The following NXPH1 variants were observed in gnomAD, a reference collection of about 807,000 sequenced individuals.
The protein encoded by NXPH1 is neurexophilin 1.
Under a neutral mutation model 23.7 loss-of-function variants are expected in NXPH1, and 5 were observed. The ratio of observed to expected loss-of-function variants is 0.21; its 90% CI spans 0.11 to 0.44. The LOEUF (loss-of-function observed/expected upper bound fraction) is 0.44, where lower values mean the gene tolerates loss of function less well. NXPH1 is among the 20% of genes least tolerant of loss of function. The probability of loss-of-function intolerance (pLI) is 0.99; values close to 1 mark genes in which losing one functional copy is unlikely to be tolerated. For synonymous variants in NXPH1, 144 were observed against 122.2 expected, an observed-to-expected ratio of 1.18 and a Z score of -1.18; for missense variants, 324 against 321.6, an observed-to-expected ratio of 1.01 and a Z score of -0.06.
At chr7:8,683,302 C>T (rs1408120630) in intron 2 of NXPH1, among the ~76,000 whole-genome samples, 1 of 152,232 alleles carries the variant, frequency 6.6e-6, no homozygotes, top group African/African-American at 2.4e-5. Context: ...TTAGGCCTCA[C>T]TTCCAACATT....
At chr7:8,505,132 G>A (rs527551259) in intron 2 of NXPH1, among the ~76,000 whole-genome samples, 31 of 152,034 alleles carry the variant, frequency 2.0e-4, no homozygotes, top group Non-Finnish European at 3.7e-4. Context: ...TGATTTTACA[G>A]TGCACTGAAG....
intron 2 of NXPH1, among the ~76,000 whole-genome samples, chr7:8,737,503 T>TCTTA (rs1231974057): frequency 6.6e-5 from 10 of 152,202 alleles, no homozygotes; most frequent in African/African-American, 1.4e-4. Flanking sequence ...AGAGATCCAC[T>TCTTA]CTTAGTCTGA....
chr7:8,683,041 T>G (rs1821082357), intron 2 of NXPH1, among the ~76,000 whole-genome samples: 2 of 152,116 alleles, frequency 1.3e-5, no homozygotes, highest in Admixed American at 6.6e-5. Context: ...GAAGAAGAGG[T>G]GTTTATTTGG....
chr7:8,647,626 C>G (rs971782070), intron 2 of NXPH1, among the ~76,000 whole-genome samples: 1 of 151,966 alleles, frequency 6.6e-6, no homozygotes, highest in African/African-American at 2.4e-5. Flanking sequence ...TAAGTATTCC[C>G]TATCTTTTAA....
At position 8,591,214 on chromosome 7, in the gene NXPH1, C is replaced by T. The variant is rs546865476; in HGVS notation, c.54+155447C>T. Among the ~76,000 whole-genome samples the T allele has an allele frequency of 8.5e-5, 13 of 152,154 alleles. No homozygotes were observed. The East Asian group carries it at 2.5e-3, about 29-fold the overall frequency. ...TCGTTCTTTCATGTGTTTTCTTCGACCCTCACAAGAATGATTTCAGGTAGG... is the reference window on the plus strand; with the variant it reads ...TCGTTCTTTCATGTGTTTTCTTCGATCCTCACAAGAATGATTTCAGGTAGG... On this transcript the variant is annotated intron_variant, in intron 2 of 2. Coordinates refer to ENST00000405863, the MANE Select transcript of NXPH1 (RefSeq NM_152745.3).
chr7:8,574,836 A>G (rs1342151958), intron 2 of NXPH1, among the ~76,000 whole-genome samples: 1 of 152,152 alleles, frequency 6.6e-6, no homozygotes, highest in East Asian at 1.9e-4. Context: ...ATCAAGTGTA[A>G]ATGAATCAGA....
intron 2 of NXPH1, among the ~76,000 whole-genome samples, chr7:8,658,824 A>G (rs1820622083): frequency 6.6e-6 from 1 of 152,184 alleles, no homozygotes; most frequent in Non-Finnish European, 1.5e-5. Flanking sequence ...TGTGCATACA[A>G]AGTCAGCGTG....
At chr7:8,716,956 G>A (rs1481188255) in intron 2 of NXPH1, among the ~76,000 whole-genome samples, 5 of 152,158 alleles carry the variant, frequency 3.3e-5, no homozygotes, top group Non-Finnish European at 5.9e-5. Context: ...ACAGCAGTGA[G>A]GCTCCAAGAC....
At chr7:8,722,161 C>T (rs762159136) in intron 2 of NXPH1, among the ~76,000 whole-genome samples, 3 of 152,032 alleles carry the variant, frequency 2.0e-5, no homozygotes, top group Non-Finnish European at 2.9e-5. Context: ...AAAAGACTTC[C>T]ATGGAATAAT....
intron 2 of NXPH1, among the ~76,000 whole-genome samples, chr7:8,541,540 T>C (rs1818116895): frequency 6.6e-6 from 1 of 151,620 alleles, no homozygotes; most frequent in East Asian, 1.9e-4. Context: ...TAAACAAATT[T>C]ATCAAAACCA....
At chr7:8,695,254 T>C (rs1179900673) in intron 2 of NXPH1, among the ~76,000 whole-genome samples, 1 of 152,168 alleles carries the variant, frequency 6.6e-6, no homozygotes, top group African/African-American at 2.4e-5. Flanking sequence ...TCTCATGTAA[T>C]CCTCCCCACC....
At chr7:8,639,888 T>C (rs1486049583) in intron 2 of NXPH1, among the ~76,000 whole-genome samples, 1 of 152,164 alleles carries the variant, frequency 6.6e-6, no homozygotes, top group Non-Finnish European at 1.5e-5. Flanking sequence ...CATGTGAAAC[T>C]GTAAGACCAA....
chr7:8,502,763 A>C (rs919498890), intron 2 of NXPH1, among the ~76,000 whole-genome samples: 1 of 151,468 alleles, frequency 6.6e-6, no homozygotes, highest in Non-Finnish European at 1.5e-5. Context: ...TAGATGGTAG[A>C]GGAGACATCA....
At chr7:8,675,488 C>T (rs755926955) in intron 2 of NXPH1, among the ~76,000 whole-genome samples, 2 of 151,990 alleles carry the variant, frequency 1.3e-5, no homozygotes, top group African/African-American at 2.4e-5. Flanking sequence ...GTTGATGATG[C>T]GTTTATTCAT....
At position 8,470,410 on chromosome 7, in the gene NXPH1, T is replaced by C. The variant is rs73675705; in HGVS notation, c.54+34643T>C. On this transcript the variant is annotated intron_variant, in intron 2 of 2. Transcript: ENST00000405863. ...CCTGAATTTTTTGAAATAATTTTCC[T>C]ACAAAGGGAAACATTTTGCTTTGTT... Among the ~76,000 whole-genome samples the C allele has an allele frequency of 2.5e-3, 381 of 152,314 alleles. 2 individuals are homozygous for C. Among genetic ancestry groups the C allele is most frequent in the Middle Eastern group, 0.014 (4 of 294 alleles).
chr7:8,523,420 A>G (rs1817808019), intron 2 of NXPH1, among the ~76,000 whole-genome samples: 1 of 152,190 alleles, frequency 6.6e-6, no homozygotes, highest in Non-Finnish European at 1.5e-5. Context: ...AAAATAACTG[A>G]AGGATTTGAT....
intron 2 of NXPH1, among the ~76,000 whole-genome samples, chr7:8,747,036 T>C (rs905466663): frequency 1.3e-5 from 2 of 152,206 alleles, no homozygotes; most frequent in Non-Finnish European, 2.9e-5. Flanking sequence ...AGACGACTAT[T>C]GAACAGTGTT....
At chr7:8,598,201 A>G (rs539061551) in intron 2 of NXPH1, among the ~76,000 whole-genome samples, 3 of 152,204 alleles carry the variant, frequency 2.0e-5, no homozygotes, top group Non-Finnish European at 2.9e-5. Flanking sequence ...GAAATTGTTC[A>G]ATTATTTTCT....
intron 2 of NXPH1, among the ~76,000 whole-genome samples, chr7:8,737,431 C>A (rs1321325666): frequency 6.6e-6 from 1 of 152,126 alleles, no homozygotes; most frequent in Non-Finnish European, 1.5e-5. Flanking sequence ...GTTGAAAATT[C>A]TTTTGTTTAA....
Sources: allele counts gnomAD v4.1 joint callset (sites outside exome capture counted in the v4.1 genomes callset), GRCh38; gene constraint gnomAD v4.1.1; transcripts MANE v1.5; gene names NCBI Gene and HGNC (gene_info 2026-07-23, HGNC 2026-07-21).